PDE4D: variants seen among roughly 807,000 people sequenced by gnomAD.
PDE4D encodes 3',5'-cyclic-AMP phosphodiesterase 4D.
In PDE4D, 24 loss-of-function variants were observed where a neutral mutation model predicts 87.4. The observed-to-expected ratio is 0.27, with a 90% CI of 0.20 to 0.39. The LOEUF (loss-of-function observed/expected upper bound fraction) is 0.39. Ranked by LOEUF, PDE4D falls within the 10% of genes least tolerant of loss-of-function variation. PDE4D has a pLI of 1.00. For synonymous variants in PDE4D, 384 were observed against 383.2 expected, an observed-to-expected ratio of 1.00 and a Z score of -0.02; for missense variants, 714 against 1,041.0, an observed-to-expected ratio of 0.69 and a Z score of 4.32.
chr5:59,249,861 A>ATG lies in PDE4D; in HGVS notation c.456-33895_456-33894dup, dbSNP rs567153916. 4.0e-3 allele frequency among the ~76,000 whole-genome samples: 607 copies of ATG among 151,736 alleles called. 3 individuals are homozygous for ATG. The highest frequency in any genetic ancestry group is 0.014 in the South Asian group (67 of 4,800). ...TGTGTCGTATTGTGTGTGTGTGTAT[A>ATG]TGTGTGTGTGTATGTTTAAGAGTCT... On this transcript the variant is annotated intron_variant, in intron 1 of 14. Coordinates refer to ENST00000340635, the MANE Select transcript of PDE4D (RefSeq NM_001104631.2).
intron 6 of PDE4D, among the ~76,000 whole-genome samples, chr5:59,038,468 T>C (rs1295999454): frequency 6.6e-6 from 1 of 152,124 alleles, no homozygotes; most frequent in African/African-American, 2.4e-5. Context: ...TCTTCTGAGT[T>C]TGAGTGCCCT....
intron 3 of PDE4D, among the ~76,000 whole-genome samples, chr5:59,902,629 G>C (rs948695843): frequency 1.3e-5 from 2 of 152,154 alleles, no homozygotes; most frequent in Non-Finnish European, 2.9e-5. Context: ...ACCTACATAT[G>C]TTATAATGCT....
At chr5:60,189,646 A>G (rs1445179651) in intron 1 of PDE4D, among the ~76,000 whole-genome samples, 1 of 152,224 alleles carries the variant, frequency 6.6e-6, no homozygotes, top group East Asian at 1.9e-4. Flanking sequence ...AAGCTACTGA[A>G]CAGGACATGT....
At chr5:60,183,680 A>G (rs1377298313) in intron 2 of PDE4D, among the ~76,000 whole-genome samples, 1 of 152,246 alleles carries the variant, frequency 6.6e-6, no homozygotes, top group Non-Finnish European at 1.5e-5. Context: ...CAGAATGCCA[A>G]AGATAAACAT....
Position 59,694,620 on chromosome 5 carries a change from C to T in PDE4D, c.455+198548G>A, listed in dbSNP as rs570927484. Among the ~76,000 whole-genome samples the T allele has an allele frequency of 4.6e-5, 7 of 152,222 alleles. No individual in the cohort carries two copies. The South Asian group carries it at 1.5e-3, about 32-fold the overall frequency. ...CTGGGTGGGAGACTATTAAGAGACT[C>T]CTGATAGGGAATGTGCATCCAGTAC... On this transcript the variant is annotated intron_variant, in intron 1 of 14. Transcript: ENST00000340635.
At chr5:59,071,908 C>T (rs532374839) in intron 5 of PDE4D, among the ~76,000 whole-genome samples, 7 of 151,908 alleles carry the variant, frequency 4.6e-5, no homozygotes, top group Admixed American at 1.3e-4. Context: ...AGGCTGGTCT[C>T]GAACTCCTGA....
chr5:59,684,470 G>C (rs530833699), intron 1 of PDE4D, among the ~76,000 whole-genome samples: 1 of 152,120 alleles, frequency 6.6e-6, no homozygotes, highest in African/African-American at 2.4e-5. Flanking sequence ...AATTACAAAA[G>C]AGAATGGTAA....
chr5:60,474,584 T>C (rs959042504), intron 1 of PDE4D, among the ~76,000 whole-genome samples: 2 of 152,156 alleles, frequency 1.3e-5, no homozygotes, highest in Non-Finnish European at 2.9e-5. Flanking sequence ...ATAACCCTTG[T>C]CCCTTTTTAA....
At chr5:58,997,619 ATTGTTT>A (rs1337073363) in intron 6 of PDE4D, among the ~76,000 whole-genome samples, 2 of 152,016 alleles carry the variant, frequency 1.3e-5, no homozygotes, top group Non-Finnish European at 2.9e-5. Context: ...TGAATTTCTA[ATTGTTT>A]TTGGCCTAAG....
intron 1 of PDE4D, among the ~76,000 whole-genome samples, chr5:59,609,883 G>A (rs1326421795): frequency 4.6e-5 from 7 of 152,208 alleles, no homozygotes; most frequent in South Asian, 2.1e-4. Flanking sequence ...ATCATATCCC[G>A]GAAATACAAA....
At chr5:59,785,870 G>A (rs904161970) in intron 1 of PDE4D, among the ~76,000 whole-genome samples, 1 of 152,150 alleles carries the variant, frequency 6.6e-6, no homozygotes, top group Non-Finnish European at 1.5e-5. Context: ...TGCATTTGTT[G>A]CCAATGGCAA....
At chr5:60,009,974 T>C (rs1309897898) in intron 2 of PDE4D, among the ~76,000 whole-genome samples, 2 of 152,194 alleles carry the variant, frequency 1.3e-5, no homozygotes, top group Admixed American at 6.5e-5. Flanking sequence ...AGTATGTACA[T>C]TGTGGCCTCT....
At chr5:59,915,582 A>G (rs1753951628) in intron 3 of PDE4D, among the ~76,000 whole-genome samples, 1 of 152,168 alleles carries the variant, frequency 6.6e-6, no homozygotes. Flanking sequence ...ATTCATTTGT[A>G]TCCTTTCTAA....
At chr5:60,233,125 G>A (rs1054144094) in intron 1 of PDE4D, among the ~76,000 whole-genome samples, 2 of 151,262 alleles carry the variant, frequency 1.3e-5, no homozygotes, top group African/African-American at 4.8e-5. Context: ...GCAAACTCAA[G>A]CATATCAGAT....
intron 1 of PDE4D, among the ~76,000 whole-genome samples, chr5:59,568,648 A>T (rs1250946959): frequency 6.6e-6 from 1 of 152,124 alleles, no homozygotes; most frequent in Non-Finnish European, 1.5e-5. Context: ...TCCCCAAAAC[A>T]CTAACTACAG....
At chr5:59,624,057 T>C (rs1830627642) in intron 1 of PDE4D, among the ~76,000 whole-genome samples, 1 of 152,228 alleles carries the variant, frequency 6.6e-6, no homozygotes, top group African/African-American at 2.4e-5. Flanking sequence ...CCCCGTTGTG[T>C]TGAGAGGATA....
intron 1 of PDE4D, among the ~76,000 whole-genome samples, chr5:60,260,698 T>C (rs567636432): frequency 6.6e-6 from 1 of 152,114 alleles, no homozygotes; most frequent in East Asian, 1.9e-4. Context: ...GCGCTGTTTA[T>C]ATAAAGTTGA....
chr5:60,283,036 G>A (rs1335447758), intron 1 of PDE4D, among the ~76,000 whole-genome samples: 5 of 151,986 alleles, frequency 3.3e-5, no homozygotes, highest in Admixed American at 2.0e-4. Context: ...TTATTTGATT[G>A]TTTTTTCAAG....
chr5:59,578,562 C>A (rs1445269110), intron 1 of PDE4D, among the ~76,000 whole-genome samples: 1 of 152,066 alleles, frequency 6.6e-6, no homozygotes. Flanking sequence ...TGACCTTTTT[C>A]CAACTTGTTT....
Sources: allele counts gnomAD v4.1 joint callset (sites outside exome capture counted in the v4.1 genomes callset), GRCh38; gene constraint gnomAD v4.1.1; transcripts MANE v1.5; gene names NCBI Gene and HGNC (gene_info 2026-07-23, HGNC 2026-07-21).